The following ADNP2 variants were observed in gnomAD, a reference collection of about 807,000 sequenced individuals.
The protein encoded by ADNP2 is ADNP homeobox 2.
In ADNP2, 8 loss-of-function variants were observed where a neutral mutation model predicts 16.4. That is an observed-to-expected ratio of 0.49 (90% CI 0.29 to 0.88). ADNP2 has a LOEUF of 0.88. Ranked by LOEUF, ADNP2 falls within the 40% of genes least tolerant of loss-of-function variation. The pLI, the probability that ADNP2 is intolerant of heterozygous loss-of-function variation, is 0.09. For missense variants in ADNP2, 1,397 were observed against 1,395.1 expected (o/e 1.00, Z -0.02); for synonymous variants, 637 against 545.8 (o/e 1.17, Z -2.33).
At chr18:80,128,764 G>A (rs1226090387) in intron 2 of ADNP2, among the ~76,000 whole-genome samples, 1 of 152,150 alleles carries the variant, frequency 6.6e-6, no homozygotes, top group African/African-American at 2.4e-5. Context: ...AAAGGTAATT[G>A]TATTAACTAT....
At chr18:80,132,087 C>T (rs979063472) in intron 2 of ADNP2, among the ~76,000 whole-genome samples, 8 of 152,116 alleles carry the variant, frequency 5.3e-5, no homozygotes, top group Non-Finnish European at 8.8e-5. Context: ...TTAGGCTTTG[C>T]GTACATATAG....
rs2052340865 is a variant in ADNP2, at chr18:80,109,338, C to T, written c.-148C>T. On this transcript the variant is annotated 5_prime_UTR_variant, in exon 1 of 4. Coordinates refer to ENST00000262198, the MANE Select transcript of ADNP2 (RefSeq NM_014913.4). ...CGCTGGGGGTGGGCGCGCGCTGAGG[C>T]GGGGGTCCCGCCGCGCGGGGCGGAG... is the stretch of plus-strand genomic sequence containing the variant. The T allele has an allele frequency of 2.0e-5, 3 of 150,342 alleles. No homozygotes were observed. Among genetic ancestry groups the T allele is most frequent in the African/African-American group, 7.3e-5 (3 of 41,310 alleles). The allele number at this position is 150,342 out of a possible 1,614,324, so 9.3% of individuals were successfully genotyped here.
chr18:80,120,877 T>A (rs2052420349), intron 2 of ADNP2, among the ~76,000 whole-genome samples: 1 of 152,124 alleles, frequency 6.6e-6, no homozygotes, highest in African/African-American at 2.4e-5. Context: ...ATAGTCTCGA[T>A]CTGTTGGTGG....
intron 2 of ADNP2, among the ~76,000 whole-genome samples, chr18:80,118,504 A>G (rs2052403454): frequency 6.6e-6 from 1 of 152,062 alleles, no homozygotes; most frequent in South Asian, 2.1e-4. Flanking sequence ...AATCATTTAT[A>G]GCCTTGCTTT....
rs141645766 is a variant in ADNP2, at chr18:80,137,442, T to G, written c.2029T>G (p.Ser677Ala). 7.1e-3 allele frequency: 11,511 copies of G among 1,614,118 alleles called. 69 individuals carry two copies. Among genetic ancestry groups the G allele is most frequent in the Non-Finnish European group, 9.0e-3 (10,587 of 1,180,016 alleles). The change falls in exon 4 of 4, where the codon TCC (serine) becomes GCC (alanine). Residue 677 changes from serine (S) to alanine (A), a missense_variant. Around this residue, in one of 3 missense-constraint regions of ADNP2, gnomAD observed 611 missense variants for 648.7 expected, o/e 0.94. Transcript: ENST00000262198. This position sits in a 1 kb window ranked among gnomAD's most constrained non-coding sequence, Gnocchi z 4.2. ...TGCTCAGAGCGTGTTTGTTCAGGCC[T>G]CCTCCTCTGCAGCAGACACAAACCA... ...NAAQSVFVQA[S>A]SSAADTNQVL...
At position 80,137,044 on chromosome 18, in the gene ADNP2, A is replaced by G. The variant is rs1187825702; in HGVS notation, c.1631A>G (p.Gln544Arg). ...CAGGGTGTGAATTCTGGTGTTCTGC[A>G]GCTTAGTCAGCCTGTTGTGTCGGGA... ...VNQGVNSGVLQLSQPVVSGVL... is the reference protein window; with the variant it reads ...VNQGVNSGVLRLSQPVVSGVL... The change falls in exon 4 of 4, where the codon CAG becomes CGG. Residue 544 changes from glutamine (Q) to arginine (R), a missense_variant. Physicochemically the swap from Gln to Arg is conservative, Grantham distance 43. Coordinates refer to ENST00000262198, the MANE Select transcript of ADNP2 (RefSeq NM_014913.4). This position sits in a 1 kb window ranked among gnomAD's most constrained non-coding sequence, Gnocchi z 4.2. The G allele has an allele frequency of 6.2e-7, 1 of 1,613,914 alleles. No homozygotes were observed. The highest frequency in any genetic ancestry group is 8.5e-7 in the Non-Finnish European group (1 of 1,180,000).
chr18:80,136,504 A>C lies in ADNP2; in HGVS notation c.1091A>C (p.His364Pro), dbSNP rs753185191. The C allele has an allele frequency of 6.2e-7, 1 of 1,614,142 alleles. No homozygotes were observed. Among genetic ancestry groups the C allele is most frequent in the South Asian group, 1.1e-5 (1 of 91,082 alleles). ...TTTCTTTCTCACGGGGTTCCACTTC[A>C]TCAGTCTGTGAATCCTCCTGTGTTG... ...PVFLSHGVPLHQSVNPPVLPL... is the reference protein window; with the variant it reads ...PVFLSHGVPLPQSVNPPVLPL... The change falls in exon 4 of 4, where the codon CAT becomes CCT. Residue 364 changes from histidine to proline, a missense_variant. His to Pro is a moderately conservative substitution (Grantham distance 77). Coordinates refer to ENST00000262198, the MANE Select transcript of ADNP2 (RefSeq NM_014913.4).
chr18:80,131,474 G>GA (rs1337807229), intron 2 of ADNP2, among the ~76,000 whole-genome samples: 1 of 151,358 alleles, frequency 6.6e-6, no homozygotes, highest in Non-Finnish European at 1.5e-5. Context: ...TAAAGAGTAA[G>GA]AAAAAAATAC....
intron 2 of ADNP2, among the ~76,000 whole-genome samples, chr18:80,119,495 C>T (rs1048604204): frequency 6.6e-6 from 1 of 151,960 alleles, no homozygotes. Context: ...ACCTGTCCAT[C>T]GTCCTCACTG....
In ADNP2 at chr18:80,139,052, C is replaced by A; in HGVS notation, c.*243C>A. ...GTTGTTTTCAGGTTTTTTTCTCTGT[C>A]ATGTAAATGAAATCTTTTGATATTT... On this transcript the variant is annotated 3_prime_UTR_variant, in exon 4 of 4. Transcript: ENST00000262198. The A allele has an allele frequency of 2.7e-6, 1 of 368,002 alleles. No homozygotes were observed. The highest frequency in any genetic ancestry group is 4.8e-6 in the Non-Finnish European group (1 of 208,420). 22.8% of individuals were successfully genotyped at this position (368,002 alleles called of 1,614,324 possible). A position where few individuals can be genotyped will look rare whatever the true frequency, so the allele number is the denominator to read the frequency against.
In ADNP2 at chr18:80,133,132, A is replaced by G; in HGVS notation, c.138A>G (p.Lys46=). ...TTAAAGGCTTTGATCCAGGAGAGAAATACTTTCATAACACATCATGGGGTG... is the reference window on the plus strand; with the variant it reads ...TTAAAGGCTTTGATCCAGGAGAGAAGTACTTTCATAACACATCATGGGGTG... ...KDLKGFDPGE[K]YFHNTSWGDV... The change falls in exon 3 of 4, where the codon AAA becomes AAG. Residue 46 remains lysine, a synonymous_variant. Transcript: ENST00000262198. The G allele has an allele frequency of 9.9e-6, 16 of 1,611,436 alleles. No homozygotes were observed. The highest frequency in any genetic ancestry group is 1.4e-5 in the Non-Finnish European group (16 of 1,179,258).
chr18:80,112,954 G>T (rs1365883724), intron 1 of ADNP2, among the ~76,000 whole-genome samples: 1 of 152,228 alleles, frequency 6.6e-6, no homozygotes, highest in Non-Finnish European at 1.5e-5. Flanking sequence ...CCAGAGGATA[G>T]AGAGGATAGT....
chr18:80,131,233 T>TCC (rs1260130642), intron 2 of ADNP2, among the ~76,000 whole-genome samples: 1 of 152,144 alleles, frequency 6.6e-6, no homozygotes, highest in Non-Finnish European at 1.5e-5. Flanking sequence ...TCCTCTTCTC[T>TCC]CCATGTTCAC....
rs921549162 is a variant in ADNP2, at chr18:80,139,580, A to G, written c.*771A>G. On this transcript the variant is annotated 3_prime_UTR_variant, in exon 4 of 4. Transcript: ENST00000262198. ...GTAGATTTTCCCTTTTGATATGCTA[A>G]GTCATTTCTCCGTTCAGAGGTAAAA... is the stretch of plus-strand genomic sequence containing the variant. 6.6e-6 allele frequency: 1 copy of G among 150,698 alleles called. No individual in the cohort carries two copies. 9.3% of individuals were successfully genotyped at this position (150,698 alleles called of 1,614,324 possible).
intron 2 of ADNP2, among the ~76,000 whole-genome samples, chr18:80,126,577 T>C (rs2052460452): frequency 6.6e-6 from 1 of 152,228 alleles, no homozygotes; most frequent in Admixed American, 6.5e-5. Flanking sequence ...AAGATTTCAC[T>C]CTTGTCTTCT....
At chr18:80,127,906 A>C (rs2052470920) in intron 2 of ADNP2, among the ~76,000 whole-genome samples, 1 of 152,226 alleles carries the variant, frequency 6.6e-6, no homozygotes, top group African/African-American at 2.4e-5. Flanking sequence ...CTAGTGAGCC[A>C]GTAGAAAAGT....
At chr18:80,134,704 G>A (rs11665534) in intron 3 of ADNP2, among the ~76,000 whole-genome samples, 8 of 151,864 alleles carry the variant, frequency 5.3e-5, no homozygotes, top group African/African-American at 1.5e-4. Flanking sequence ...CTTTTAGGCC[G>A]CGAACTTGTT....
chr18:80,122,223 A>G (rs1568410238), intron 2 of ADNP2, among the ~76,000 whole-genome samples: 1 of 152,192 alleles, frequency 6.6e-6, no homozygotes, highest in African/African-American at 2.4e-5. Flanking sequence ...CCCGGCACCT[A>G]TACTGTTTTG....
intron 2 of ADNP2, among the ~76,000 whole-genome samples, chr18:80,123,680 A>AT (rs987706990): frequency 4.0e-5 from 6 of 149,662 alleles, no homozygotes; most frequent in Non-Finnish European, 4.4e-5. Context: ...CTCCTCTTCT[A>AT]TTTTTTTGTG....
Sources: allele counts gnomAD v4.1 joint callset (sites outside exome capture counted in the v4.1 genomes callset), GRCh38; gene constraint gnomAD v4.1.1; regional missense constraint gnomAD v4.1.1; non-coding constraint Gnocchi (gnomAD v3.1); transcripts MANE v1.5; gene names NCBI Gene and HGNC (gene_info 2026-07-23, HGNC 2026-07-21).